The following PDIA3 variants were observed in gnomAD, a reference collection of about 807,000 sequenced individuals.
PDIA3 encodes the protein protein disulfide isomerase family A member 3.
A neutral mutation model predicts 56.9 loss-of-function variants in PDIA3; 16 were observed. The ratio of observed to expected loss-of-function variants is 0.28; its 90% CI spans 0.19 to 0.43. PDIA3 has a LOEUF of 0.43. PDIA3 is among the 20% of genes least tolerant of loss of function. PDIA3 has a pLI of 1.00. For synonymous variants in PDIA3, 192 were observed against 216.5 expected, an observed-to-expected ratio of 0.89 and a Z score of 0.99; for missense variants, 485 against 621.3, an observed-to-expected ratio of 0.78 and a Z score of 2.33.
intron 4 of PDIA3, among the ~76,000 whole-genome samples, chr15:43,762,749 A>T (rs571232869): frequency 1.3e-5 from 2 of 152,216 alleles, no homozygotes; most frequent in Non-Finnish European, 2.9e-5. Flanking sequence ...TTGACATGTC[A>T]TCTTAATTTA....
chr15:43,773,021 A>T lies in PDIA3; in HGVS notation c.*1803A>T. The T allele has an allele frequency of 8.3e-7, 1 of 1,203,294 alleles. No homozygotes were observed. Among genetic ancestry groups the T allele is most frequent in the South Asian group, 1.5e-5 (1 of 66,794 alleles). The allele number at this position is 1,203,294 out of a possible 1,614,324, so 74.5% of individuals were successfully genotyped here. On this transcript the variant is annotated 3_prime_UTR_variant, in exon 13 of 13. Transcript: ENST00000300289. Reference sequence around the variant, plus strand: ...GCCACCATGGACTCCAGTGGTCAGCATAAGAAAAGCAGATAGTTGCATTCT... The same window carrying T: ...GCCACCATGGACTCCAGTGGTCAGCTTAAGAAAAGCAGATAGTTGCATTCT...
chr15:43,759,204 G>C (rs2086799119), intron 3 of PDIA3, among the ~76,000 whole-genome samples: 1 of 151,924 alleles, frequency 6.6e-6, no homozygotes. Flanking sequence ...GCAGGAGAAT[G>C]GCGTGAACCC....
At chr15:43,767,409 T>G (rs1053166172) in intron 8 of PDIA3, among the ~76,000 whole-genome samples, 1 of 152,058 alleles carries the variant, frequency 6.6e-6, no homozygotes, top group African/African-American at 2.4e-5. Context: ...AGGATTATGA[T>G]CCTTAATGAA....
intron 9 of PDIA3, 72 bp from the exon 10 acceptor site, chr15:43,769,446 G>C (rs2086868075): frequency 1.4e-6 from 2 of 1,409,898 alleles, no homozygotes; most frequent in South Asian, 2.4e-5. Context: ...AGAGGGATTG[G>C]GTCTAGGAAC....
chr15:43,758,985 AT>A (rs2086797452), intron 3 of PDIA3, among the ~76,000 whole-genome samples: 1 of 151,854 alleles, frequency 6.6e-6, no homozygotes, highest in African/African-American at 2.4e-5. Context: ...AAAAAAAAAA[AT>A]AAAAATGAAA....
chr15:43,763,720 A>G (rs1047529759), intron 5 of PDIA3, among the ~76,000 whole-genome samples: 1 of 152,128 alleles, frequency 6.6e-6, no homozygotes, highest in Non-Finnish European at 1.5e-5. Context: ...AAGTGTATGT[A>G]GAACTATATA....
intron 5 of PDIA3, among the ~76,000 whole-genome samples, chr15:43,764,109 T>C (rs529845353): frequency 6.6e-6 from 1 of 152,352 alleles, no homozygotes; most frequent in South Asian, 2.1e-4. Context: ...TGCCTAGTGT[T>C]CCATTACTGG....
At position 43,765,901 on chromosome 15, in the gene PDIA3, C is replaced by T. The variant is rs1182608533; in HGVS notation, c.734C>T (p.Pro245Leu). The T allele has an allele frequency of 1.9e-6, 3 of 1,611,106 alleles. No homozygotes were observed. Among genetic ancestry groups the T allele is most frequent in the African/African-American group, 2.7e-5 (2 of 74,770 alleles). The change falls in exon 7 of 13, where the codon CCT becomes CTT. Residue 245 changes from proline to leucine, a missense_variant. Physicochemically the swap from Pro to Leu is moderately conservative, Grantham distance 98 (BLOSUM62 -3). Transcript: ENST00000300289. The stretch of plus-strand genomic sequence containing the variant: ...TTTCATTTCAGTTTTGGTATCTGCC[C>T]TCACATGACAGAAGACAATAAAGAT... ...FIQENIFGIC[P>L]HMTEDNKDLI...
rs1374054387 is a variant in PDIA3 at position 43,763,203 on chromosome 15, G to A, written c.599G>A (p.Gly200Glu). ...ESLVNEYDDN[G>E]EGIILFRPSH... Reference sequence around the variant, plus strand: ...CTGGTGAACGAGTATGATGATAATGGAGAGTAAGTGACTGAGTTGAATCTC... The same window carrying A: ...CTGGTGAACGAGTATGATGATAATGAAGAGTAAGTGACTGAGTTGAATCTC... The change falls in exon 5 of 13, where the codon GGA (glycine) becomes GAA (glutamate). Residue 200 changes from glycine (G) to glutamate (E), a missense_variant. Coordinates refer to ENST00000300289, the MANE Select transcript of PDIA3 (RefSeq NM_005313.5). 33 of 1,613,500 alleles carry A rather than the reference G, an allele frequency of 2.0e-5. No individual in the cohort carries two copies. The highest frequency in any genetic ancestry group is 2.6e-5 in the Non-Finnish European group (31 of 1,179,666).
intron 1 of PDIA3, among the ~76,000 whole-genome samples, chr15:43,749,545 G>A (rs1373055084): frequency 6.6e-6 from 1 of 152,174 alleles, no homozygotes; most frequent in African/African-American, 2.4e-5. Flanking sequence ...TGTAATCCCA[G>A]CAGTTTGGGA....
chr15:43,751,159 G>A lies in PDIA3; in HGVS notation c.168-2665G>A, dbSNP rs1312875503. ...AAAAAAAAAAAAAAATAATATATGT[G>A]CTAATTTCTTTACTTGTAATCCCCA... On this transcript the variant is annotated intron_variant, in intron 1 of 12. Transcript: ENST00000300289. Among the ~76,000 whole-genome samples, 4 of 149,920 alleles carry A rather than the reference G, an allele frequency of 2.7e-5. No homozygotes were observed. The South Asian group carries it at 6.3e-4, about 24-fold the overall frequency.
intron 1 of PDIA3, among the ~76,000 whole-genome samples, chr15:43,749,174 A>G (rs1161399723): frequency 6.6e-6 from 1 of 150,968 alleles, no homozygotes. Flanking sequence ...GCTCACTGCA[A>G]CCTCCGCCTC....
chr15:43,759,821 C>CAG (rs1334703679), intron 3 of PDIA3, among the ~76,000 whole-genome samples: 6 of 152,254 alleles, frequency 3.9e-5, no homozygotes, highest in South Asian at 2.1e-4. Context: ...CATGGTGGCT[C>CAG]ACGCCTGTAA....
At chr15:43,764,334 CTG>C (rs761306550) in intron 5 of PDIA3, among the ~76,000 whole-genome samples, 2 of 152,120 alleles carry the variant, frequency 1.3e-5, no homozygotes, top group South Asian at 2.1e-4. Flanking sequence ...AGAATCTAAA[CTG>C]AGGATGACAT....
At chr15:43,767,332 A>G (rs1455691952) in intron 8 of PDIA3, among the ~76,000 whole-genome samples, 1 of 152,232 alleles carries the variant, frequency 6.6e-6, no homozygotes, top group Non-Finnish European at 1.5e-5. Context: ...GGCCTGGGCA[A>G]CAAGAGCGAA....
At chr15:43,769,232 G>A (rs1290755061) in intron 9 of PDIA3, among the ~76,000 whole-genome samples, 1 of 152,168 alleles carries the variant, frequency 6.6e-6, no homozygotes, top group East Asian at 1.9e-4. Flanking sequence ...TGGACTGCAG[G>A]CATGTGCCAC....
In PDIA3 at chr15:43,746,510, T is replaced by G; in HGVS notation, c.-30T>G. ...CGCAGTCCCAGCCGAGCCGCGACCC[T>G]TCCGGCCGTCCCCACCCCACCTCGC... On this transcript the variant is annotated 5_prime_UTR_variant, in exon 1 of 13. Coordinates refer to ENST00000300289, the MANE Select transcript of PDIA3 (RefSeq NM_005313.5). 1 of 1,549,078 alleles carries G rather than the reference T, an allele frequency of 6.5e-7. No homozygotes were observed. The highest frequency in any genetic ancestry group is 8.7e-7 in the Non-Finnish European group (1 of 1,149,964).
Position 43,746,677 on chromosome 15 carries a change from C to G in PDIA3, c.138C>G (p.Gly46=). 1.2e-6 allele frequency: 2 copies of G among 1,612,966 alleles called. No homozygotes were observed. Among genetic ancestry groups the G allele is most frequent in the Non-Finnish European group, 1.7e-6 (2 of 1,179,902 alleles). Residue 46 remains glycine, a synonymous_variant, in exon 1 of 13, where the codon GGC becomes GGG. Transcript: ENST00000300289. ...GCATCTCCGACACGGGCTCTGCGGG[C>G]CTCATGCTCGTCGAGTTCTTCGCCC... The part of the protein sequence containing the change: ...ESRISDTGSA[G]LMLVEFFAPW...
At position 43,771,358 on chromosome 15, in the gene PDIA3, A is replaced by T. The variant is rs906483310; in HGVS notation, c.*140A>T. Reference sequence around the variant, plus strand: ...ATGGATATAATCTGAATCCTGTTAAATTTTCTCTAAACTGTTTCTTAGCTG... The same window carrying T: ...ATGGATATAATCTGAATCCTGTTAATTTTTCTCTAAACTGTTTCTTAGCTG... On this transcript the variant is annotated 3_prime_UTR_variant, in exon 13 of 13. Transcript: ENST00000300289. The T allele has an allele frequency of 1.9e-6, 1 of 537,456 alleles. No homozygotes were observed. The highest frequency in any genetic ancestry group is 3.3e-6 in the Non-Finnish European group (1 of 307,080). The allele number at this position is 537,456 out of a possible 1,614,324, so 33.3% of individuals were successfully genotyped here.
Sources: allele counts gnomAD v4.1 joint callset (sites outside exome capture counted in the v4.1 genomes callset), GRCh38; gene constraint gnomAD v4.1.1; transcripts MANE v1.5; gene names NCBI Gene and HGNC (gene_info 2026-07-23, HGNC 2026-07-21).